Variants in AGMO observed in about 807,000 individuals in gnomAD.
AGMO encodes the protein alkylglycerol monooxygenase.
A neutral mutation model predicts 60.2 loss-of-function variants in AGMO; 75 were observed. That is an observed-to-expected ratio of 1.25 (90% CI 1.03 to 1.51). The LOEUF is 1.51. Among genes scored for constraint, AGMO ranks in the 40% most tolerant of loss-of-function variants. The pLI, the probability that AGMO is intolerant of heterozygous loss-of-function variation, is 0.00. For missense variants in AGMO, 763 were observed against 525.5 expected, an observed-to-expected ratio of 1.45 and a Z score of -4.42; for synonymous variants, 261 against 177.1, an observed-to-expected ratio of 1.47 and a Z score of -3.76.
Position 15,218,530 on chromosome 7 carries a change from TAAAA to T in AGMO, c.1264-17175_1264-17172del, listed in dbSNP as rs1447561403. 6.1e-5 allele frequency among the ~76,000 whole-genome samples: 9 copies of T among 146,652 alleles called. No individual in the cohort carries two copies. The East Asian group carries it at 1.7e-3, about 28-fold the overall frequency. The stretch of plus-strand genomic sequence containing the variant: ...AGGGAGTGGGCTTCCAATGTTCAGA[TAAAA>T]AATTCATTTCCTTTAAAAAAAATCT... On this transcript the variant is annotated intron_variant, in intron 12 of 12. Coordinates refer to ENST00000342526, the MANE Select transcript of AGMO (RefSeq NM_001004320.2).
intron 8 of AGMO, among the ~76,000 whole-genome samples, chr7:15,388,724 G>A (rs1433293205): frequency 6.6e-6 from 1 of 152,154 alleles, no homozygotes; most frequent in Non-Finnish European, 1.5e-5. Flanking sequence ...AAGTTGCTTT[G>A]ATGCCTCTGC....
At chr7:15,364,335 G>A (rs558388497) in intron 12 of AGMO, among the ~76,000 whole-genome samples, 2 of 151,562 alleles carry the variant, frequency 1.3e-5, no homozygotes, top group Admixed American at 6.6e-5. Context: ...TTTATATACC[G>A]ATATCTCCCT....
chr7:15,383,160 G>T, intron 10 of AGMO, among the ~76,000 whole-genome samples: 1 of 151,926 alleles, frequency 6.6e-6, no homozygotes, highest in Non-Finnish European at 1.5e-5. Context: ...GGCTCAATTT[G>T]GGTATTTTCA....
At chr7:15,382,662 T>A (rs1282773792) in intron 10 of AGMO, among the ~76,000 whole-genome samples, 1 of 152,200 alleles carries the variant, frequency 6.6e-6, no homozygotes, top group South Asian at 2.1e-4. Flanking sequence ...CCAAAGGAAT[T>A]AGAGAAGCCC....
At chr7:15,420,564 C>T (rs527415496) in intron 4 of AGMO, among the ~76,000 whole-genome samples, 1 of 152,190 alleles carries the variant, frequency 6.6e-6, no homozygotes, top group African/African-American at 2.4e-5. Flanking sequence ...ATGACACAAT[C>T]AAGGTTCTAA....
At chr7:15,282,963 G>C (rs866606976) in intron 12 of AGMO, among the ~76,000 whole-genome samples, 1 of 152,116 alleles carries the variant, frequency 6.6e-6, no homozygotes, top group African/African-American at 2.4e-5. Flanking sequence ...ATAACTGTCA[G>C]TTAAGAATTC....
chr7:15,351,750 G>A (rs976480143), intron 12 of AGMO, among the ~76,000 whole-genome samples: 2 of 152,234 alleles, frequency 1.3e-5, no homozygotes, highest in South Asian at 2.1e-4. Flanking sequence ...CTTATCAAAT[G>A]CAATTCTTTT....
intron 2 of AGMO, among the ~76,000 whole-genome samples, chr7:15,553,569 T>A (rs1040317351): frequency 6.6e-6 from 1 of 151,948 alleles, no homozygotes; most frequent in Non-Finnish European, 1.5e-5. Context: ...ACCAGCCTTA[T>A]AAATATTCCC....
At chr7:15,287,625 G>C (rs888746767) in intron 12 of AGMO, among the ~76,000 whole-genome samples, 1 of 152,120 alleles carries the variant, frequency 6.6e-6, no homozygotes, top group African/African-American at 2.4e-5. Context: ...AAAGTGAGTT[G>C]TATCAATTTA....
intron 10 of AGMO, among the ~76,000 whole-genome samples, chr7:15,367,533 C>T (rs1170370582): frequency 3.3e-5 from 5 of 151,962 alleles, no homozygotes; most frequent in South Asian, 2.1e-4. Context: ...AAGTAAATAA[C>T]GCCTCTGAAA....
At chr7:15,411,964 A>C (rs1166216713) in intron 5 of AGMO, among the ~76,000 whole-genome samples, 1 of 152,146 alleles carries the variant, frequency 6.6e-6, no homozygotes, top group Non-Finnish European at 1.5e-5. Context: ...CTAAAGGGCA[A>C]TAACCAAAAC....
the AGMO span, among the ~76,000 whole-genome samples, chr7:15,124,032 G>A: frequency 8.5e-5 from 13 of 152,134 alleles, no homozygotes; most frequent in East Asian, 1.7e-3. Context: ...GTTTTAAAAA[G>A]CTTGTGGTTT....
At chr7:15,318,517 G>A (rs1583401345) in intron 12 of AGMO, among the ~76,000 whole-genome samples, 1 of 152,154 alleles carries the variant, frequency 6.6e-6, no homozygotes, top group South Asian at 2.1e-4. Flanking sequence ...AAGCTGATAT[G>A]ATTGACTCAG....
At chr7:15,371,817 C>T (rs1215165483) in intron 10 of AGMO, among the ~76,000 whole-genome samples, 2 of 152,094 alleles carry the variant, frequency 1.3e-5, no homozygotes, top group South Asian at 2.1e-4. Flanking sequence ...GATTTATAGG[C>T]ATGAGCCACC....
At chr7:15,303,574 G>A (rs775234515) in intron 12 of AGMO, among the ~76,000 whole-genome samples, 3 of 152,072 alleles carry the variant, frequency 2.0e-5, no homozygotes, top group Admixed American at 1.3e-4. Context: ...CCTGTGACGC[G>A]AGCATGGGGA....
At chr7:15,249,979 C>T (rs1288920954) in intron 12 of AGMO, among the ~76,000 whole-genome samples, 3 of 152,128 alleles carry the variant, frequency 2.0e-5, no homozygotes, top group Non-Finnish European at 2.9e-5. Context: ...ACAGTCTTTT[C>T]ACAAGATTGC....
At chr7:15,468,539 G>A (rs917490386) in intron 3 of AGMO, among the ~76,000 whole-genome samples, 1 of 151,866 alleles carries the variant, frequency 6.6e-6, no homozygotes, top group Non-Finnish European at 1.5e-5. Context: ...TGATTCATAT[G>A]TATATATGCT....
intron 12 of AGMO, among the ~76,000 whole-genome samples, chr7:15,215,262 G>A (rs1781703684): frequency 6.6e-6 from 1 of 152,020 alleles, no homozygotes; most frequent in African/African-American, 2.4e-5. Flanking sequence ...AATTTCACAA[G>A]GAGGAATATT....
At chr7:15,253,772 T>C (rs950846353) in intron 12 of AGMO, among the ~76,000 whole-genome samples, 5 of 152,200 alleles carry the variant, frequency 3.3e-5, no homozygotes, top group Admixed American at 2.6e-4. Flanking sequence ...CACCCTACTG[T>C]GCAATAGAGT....
Sources: gnomAD v4.1 joint callset for allele counts (sites outside exome capture counted in the v4.1 genomes callset) on GRCh38, gnomAD v4.1.1 for gene constraint, MANE v1.5 for transcripts, NCBI Gene and HGNC (gene_info 2026-07-23, HGNC 2026-07-21) for gene names.